CACNA2D1: variants seen among roughly 807,000 people sequenced by gnomAD.
CACNA2D1 encodes calcium voltage-gated channel auxiliary subunit alpha2delta 1, also known as voltage-dependent calcium channel subunit alpha-2/delta-1.
In CACNA2D1, 53 loss-of-function variants were observed where a neutral mutation model predicts 171.5. That is an observed-to-expected ratio of 0.31 (90% CI 0.25 to 0.39). The LOEUF is 0.39. CACNA2D1 is among the 10% of genes least tolerant of loss of function. CACNA2D1 has a pLI of 1.00. For missense variants in CACNA2D1, 903 were observed against 1,299.8 expected (o/e 0.69, Z 4.69); for synonymous variants, 442 against 443.1 (o/e 1.00, Z 0.03).
chr7:82,273,610 C>A (rs1585296583), intron 3 of CACNA2D1, among the ~76,000 whole-genome samples: 1 of 152,092 alleles, frequency 6.6e-6, no homozygotes, highest in East Asian at 1.9e-4. Flanking sequence ...GCTTCAGCTA[C>A]CCAAGTAGCT....
chr7:82,258,308 CAA>C (rs60283753), intron 3 of CACNA2D1, among the ~76,000 whole-genome samples: 58 of 124,780 alleles, frequency 4.6e-4, no homozygotes, highest in Non-Finnish European at 4.7e-4. Context: ...CAGAAGGCAG[CAA>C]AAAAAAAAAA....
intron 3 of CACNA2D1, among the ~76,000 whole-genome samples, chr7:82,297,457 G>T (rs2129421978): frequency 6.6e-6 from 1 of 152,200 alleles, no homozygotes; most frequent in Admixed American, 6.5e-5. Context: ...TTAGAAGTGT[G>T]TTTCTTCTAA....
At chr7:82,336,033 G>C (rs1299447792) in intron 2 of CACNA2D1, among the ~76,000 whole-genome samples, 1 of 152,154 alleles carries the variant, frequency 6.6e-6, no homozygotes, top group Non-Finnish European at 1.5e-5. Context: ...TGGAGGGGAA[G>C]CAGTCACAGT....
intron 3 of CACNA2D1, among the ~76,000 whole-genome samples, chr7:82,181,249 T>C (rs1440743438): frequency 6.6e-6 from 1 of 152,030 alleles, no homozygotes; most frequent in African/African-American, 2.4e-5. Context: ...TGACACACCA[T>C]GTCTGGCTGA....
chr7:82,425,886 T>C (rs894265258), intron 1 of CACNA2D1, among the ~76,000 whole-genome samples: 1 of 150,956 alleles, frequency 6.6e-6, no homozygotes, highest in African/African-American at 2.4e-5. Flanking sequence ...CCCTGCAATT[T>C]GGGAGGCTGA....
At chr7:81,955,234 T>C (rs1793089735) in intron 38 of CACNA2D1, among the ~76,000 whole-genome samples, 1 of 152,084 alleles carries the variant, frequency 6.6e-6, no homozygotes, top group Non-Finnish European at 1.5e-5. Context: ...AAGGGCCCCT[T>C]GGTAGGCTTT....
Position 82,027,526 on chromosome 7 carries a change from G to C in CACNA2D1, c.1143+5271C>G, listed in dbSNP as rs1293419324. The stretch of plus-strand genomic sequence containing the variant: ...GTATCTATAAGCTTTCCTTGTCTGA[G>C]TATCCTTTCATTCATCTTTAGCCTA... On this transcript the variant is annotated intron_variant, in intron 12 of 38. Coordinates refer to ENST00000356860, the MANE Select transcript of CACNA2D1 (RefSeq NM_000722.4). 6 of 151,554 alleles carry C rather than the reference G, an allele frequency of 4.0e-5. No individual in the cohort carries two copies. The Admixed American group carries it at 4.0e-4, about 10-fold the overall frequency. The allele number at this position is 151,554 out of a possible 1,614,324, so 9.4% of individuals were successfully genotyped here.
intron 3 of CACNA2D1, among the ~76,000 whole-genome samples, chr7:82,277,896 C>T (rs900008566): frequency 4.6e-5 from 7 of 151,694 alleles, no homozygotes; most frequent in Non-Finnish European, 8.8e-5. Flanking sequence ...CAGGCACATG[C>T]CACCACACCG....
At chr7:81,967,742 G>T in intron 29 of CACNA2D1, 79 bp from the exon 30 acceptor site, 1 of 708,080 alleles carries the variant, frequency 1.4e-6, no homozygotes, top group Non-Finnish European at 2.6e-6. Context: ...TATTTTGATA[G>T]CAAGTATCAG....
At chr7:81,971,573 A>C (rs1795277337) in intron 26 of CACNA2D1, among the ~76,000 whole-genome samples, 1 of 151,648 alleles carries the variant, frequency 6.6e-6, no homozygotes, top group African/African-American at 2.4e-5. Flanking sequence ...ATGTGCATGA[A>C]AAGTTGAGTA....
At chr7:82,017,919 G>A (rs1800700225) in intron 12 of CACNA2D1, among the ~76,000 whole-genome samples, 1 of 152,030 alleles carries the variant, frequency 6.6e-6, no homozygotes, top group Admixed American at 6.6e-5. Context: ...GACTTTTGTG[G>A]AGAAAAAATT....
intron 6 of CACNA2D1, among the ~76,000 whole-genome samples, chr7:82,097,219 T>C (rs1189323191): frequency 6.6e-6 from 1 of 152,090 alleles, no homozygotes; most frequent in Non-Finnish European, 1.5e-5. Context: ...TGTGGGGCAA[T>C]TGCAGGGATG....
chr7:82,117,110 T>C lies in CACNA2D1; in HGVS notation c.460A>G (p.Asn154Asp), dbSNP rs1789146053. The C allele has an allele frequency of 6.2e-7, 1 of 1,613,756 alleles. No homozygotes were observed. Among genetic ancestry groups the C allele is most frequent in the African/African-American group, 1.3e-5 (1 of 74,896 alleles). Reference sequence around the variant, plus strand: ...TGATAAGATATTTGTCGTCCAAAATTAGCATCTTCAATGAAAACAGGTTTT... The same window carrying C: ...TGATAAGATATTTGTCGTCCAAAATCAGCATCTTCAATGAAAACAGGTTTT... Reference protein sequence around the residue: ...RIKPVFIEDANFGRQISYQHA... With the variant: ...RIKPVFIEDADFGRQISYQHA... Residue 154 changes from asparagine to aspartate, a missense_variant, in exon 6 of 39, where the codon AAT becomes GAT. Physicochemically the swap from Asn to Asp is conservative, Grantham distance 23 (BLOSUM62 1). Around this residue, in one of 5 missense-constraint regions of CACNA2D1, gnomAD observed 189 missense variants for 266.8 expected, o/e 0.71. Coordinates refer to ENST00000356860, the MANE Select transcript of CACNA2D1 (RefSeq NM_000722.4).
chr7:81,967,456 GA>G lies in CACNA2D1; in HGVS notation c.2463+139del, dbSNP rs1794829522. On this transcript the variant is annotated intron_variant, in intron 30 of 38. Coordinates refer to ENST00000356860, the MANE Select transcript of CACNA2D1 (RefSeq NM_000722.4). The stretch of plus-strand genomic sequence containing the variant: ...GACTAATTTAAACAAAAAAAGCTTT[GA>G]AAAAATAGGAATTCAGAATTCTACT... The G allele has an allele frequency of 6.2e-6, 4 of 645,792 alleles. 1 individual carries two copies. The South Asian group carries it at 8.1e-5, about 13-fold the overall frequency. 40.0% of individuals were successfully genotyped at this position (645,792 alleles called of 1,614,324 possible).
chr7:82,269,342 G>A (rs564071079), intron 3 of CACNA2D1, among the ~76,000 whole-genome samples: 2 of 152,152 alleles, frequency 1.3e-5, no homozygotes, highest in South Asian at 4.1e-4. Context: ...AAATCCAGAT[G>A]TGCCCACTCT....
At chr7:82,268,413 G>C (rs1808194552) in intron 3 of CACNA2D1, among the ~76,000 whole-genome samples, 1 of 152,078 alleles carries the variant, frequency 6.6e-6, no homozygotes. Context: ...AGCCAGCAAA[G>C]GTATTACGGA....
Position 81,967,112 on chromosome 7 carries a change from G to C in CACNA2D1, c.2502+57C>G, listed in dbSNP as rs2130363230. On this transcript the variant is annotated intron_variant, in intron 31 of 38. Transcript: ENST00000356860. ...ATATTTTTTCATCACTATAGTCTTA[G>C]CAAGAGTAACACAAGGAAATATTGT... 5.3e-6 allele frequency: 7 copies of C among 1,322,072 alleles called. No individual in the cohort carries two copies. In the East Asian group the frequency reaches 1.6e-4, roughly 31 times the overall value. 81.9% of individuals were successfully genotyped at this position (1,322,072 alleles called of 1,614,324 possible).
intron 3 of CACNA2D1, among the ~76,000 whole-genome samples, chr7:82,246,358 G>A (rs1157267525): frequency 6.6e-6 from 1 of 151,972 alleles, no homozygotes; most frequent in African/African-American, 2.4e-5. Context: ...AGTGAATGTA[G>A]TTCATCTCAA....
chr7:82,081,857 G>A (rs1339909272), intron 7 of CACNA2D1, among the ~76,000 whole-genome samples: 3 of 152,166 alleles, frequency 2.0e-5, no homozygotes, highest in Non-Finnish European at 4.4e-5. Context: ...TGGTGGGAGG[G>A]GGTGTGTGAG....
Sources: gnomAD v4.1 joint callset for allele counts (sites outside exome capture counted in the v4.1 genomes callset) on GRCh38, gnomAD v4.1.1 for gene constraint, gnomAD v4.1.1 regional missense constraint, MANE v1.5 for transcripts, NCBI Gene and HGNC (gene_info 2026-07-23, HGNC 2026-07-21) for gene names.